Variants in EMP2 observed in about 807,000 individuals in gnomAD.
EMP2 encodes the protein epithelial membrane protein 2.
A neutral mutation model predicts 13.7 loss-of-function variants in EMP2; 19 were observed. That is an observed-to-expected ratio of 1.38 (90% CI 0.97 to 2.03). The LOEUF is 2.03. Among genes scored for constraint, EMP2 ranks in the 30% most tolerant of loss-of-function variants. The probability of loss-of-function intolerance (pLI) is 0.00; values close to 1 mark genes in which losing one functional copy is unlikely to be tolerated. For missense variants in EMP2, 253 were observed against 220.7 expected (o/e 1.15, Z -0.93); for synonymous variants, 97 against 84.7 (o/e 1.15, Z -0.80).
intron 1 of EMP2, among the ~76,000 whole-genome samples, chr16:10,576,249 T>C (rs910099258): frequency 1.1e-4 from 17 of 152,260 alleles, no homozygotes; most frequent in African/African-American, 3.1e-4. Flanking sequence ...AATTATCTTG[T>C]GTGCCACCAG....
intron 3 of EMP2, among the ~76,000 whole-genome samples, chr16:10,539,102 G>T (rs941671033): frequency 5.9e-5 from 9 of 152,094 alleles, no homozygotes. Context: ...TCTACATAAG[G>T]GGGTTTGGAG....
rs150422852 is a variant in EMP2 at position 10,579,629 on chromosome 16, C to T, written c.-61+920G>A. ...TAGGTGTCTCATAAAAGTGGAATCA[C>T]ACTGTATTTGAACTGGAGGCTTCTT... is the stretch of plus-strand genomic sequence containing the variant. On this transcript the variant is annotated intron_variant, in intron 1 of 4. Coordinates refer to ENST00000359543, the MANE Select transcript of EMP2 (RefSeq NM_001424.6). Among the ~76,000 whole-genome samples, 19 of 152,088 alleles carry T rather than the reference C, an allele frequency of 1.2e-4. No individual in the cohort carries two copies. In the East Asian group the frequency reaches 3.7e-3, roughly 29 times the overall value.
At chr16:10,565,688 A>T (rs1444285864) in intron 1 of EMP2, among the ~76,000 whole-genome samples, 1 of 152,118 alleles carries the variant, frequency 6.6e-6, no homozygotes, top group Non-Finnish European at 1.5e-5. Context: ...TTAACCAGGG[A>T]CTTGAGGTGG....
chr16:10,574,829 C>T (rs931888727), intron 1 of EMP2, among the ~76,000 whole-genome samples: 1 of 152,102 alleles, frequency 6.6e-6, no homozygotes, highest in African/African-American at 2.4e-5. Context: ...GGATTATAGG[C>T]GTGAGCCACC....
At chr16:10,564,670 A>C (rs1232365300) in intron 1 of EMP2, among the ~76,000 whole-genome samples, 1 of 151,954 alleles carries the variant, frequency 6.6e-6, no homozygotes, top group Admixed American at 6.6e-5. Context: ...CTTCCCCAGA[A>C]AGCCAGTGTT....
chr16:10,539,588 G>A (rs1433256135), intron 3 of EMP2, among the ~76,000 whole-genome samples: 3 of 152,136 alleles, frequency 2.0e-5, no homozygotes, highest in Non-Finnish European at 1.5e-5. Context: ...GGAACTTTCT[G>A]GAGAGTTGGC....
intron 1 of EMP2, among the ~76,000 whole-genome samples, chr16:10,552,680 A>G (rs1019017494): frequency 6.6e-6 from 1 of 152,228 alleles, no homozygotes; most frequent in Non-Finnish European, 1.5e-5. Context: ...TAGCAGTGAT[A>G]TAAAGTATTT....
chr16:10,563,447 C>A (rs768902271), intron 1 of EMP2, among the ~76,000 whole-genome samples: 10 of 152,240 alleles, frequency 6.6e-5, no homozygotes, highest in Non-Finnish European at 1.3e-4. Flanking sequence ...CTGCCTTGGT[C>A]TCCCAAAGTG....
At chr16:10,533,240 G>A in intron 4 of EMP2, 148 bp from the exon 5 acceptor site, 1 of 797,284 alleles carries the variant, frequency 1.3e-6, no homozygotes, top group Middle Eastern at 4.0e-4. Flanking sequence ...ATTTTGCCAT[G>A]TCACCCAGGC....
intron 1 of EMP2, among the ~76,000 whole-genome samples, chr16:10,572,090 G>T (rs1317186716): frequency 6.6e-6 from 1 of 152,184 alleles, no homozygotes; most frequent in Non-Finnish European, 1.5e-5. Flanking sequence ...AGTCAATGAG[G>T]GAGCAGGAGA....
chr16:10,577,330 CCACCAGCCT>C (rs1415015654), intron 1 of EMP2, among the ~76,000 whole-genome samples: 1 of 152,186 alleles, frequency 6.6e-6, no homozygotes, highest in Non-Finnish European at 1.5e-5. Flanking sequence ...CTCATCACCA[CCACCAGCCT>C]CTGCTCAGGT....
At chr16:10,566,782 C>A (rs898451846) in intron 1 of EMP2, among the ~76,000 whole-genome samples, 1 of 152,198 alleles carries the variant, frequency 6.6e-6, no homozygotes, top group Admixed American at 6.5e-5. Flanking sequence ...ACAGAGCATG[C>A]GAGGCTCTTT....
intron 1 of EMP2, among the ~76,000 whole-genome samples, chr16:10,557,182 C>T (rs978513302): frequency 6.6e-5 from 10 of 151,980 alleles, no homozygotes; most frequent in South Asian, 2.1e-4. Flanking sequence ...CATGGCAAAA[C>T]GCTGTCTCTA....
At chr16:10,554,579 G>C (rs952891835) in intron 1 of EMP2, among the ~76,000 whole-genome samples, 1 of 152,104 alleles carries the variant, frequency 6.6e-6, no homozygotes, top group Non-Finnish European at 1.5e-5. Context: ...ATGAAGACTG[G>C]TCCACCAAGC....
At chr16:10,568,978 G>C (rs1020823673) in intron 1 of EMP2, among the ~76,000 whole-genome samples, 28 of 151,938 alleles carry the variant, frequency 1.8e-4, no homozygotes, top group South Asian at 4.2e-4. Flanking sequence ...AGTAGAGATG[G>C]GGTTTCGCCA....
At chr16:10,572,670 G>A (rs1453519441) in intron 1 of EMP2, among the ~76,000 whole-genome samples, 1 of 152,154 alleles carries the variant, frequency 6.6e-6, no homozygotes, top group East Asian at 1.9e-4. Flanking sequence ...CAGAATAAAT[G>A]TCACAGCCTG....
intron 2 of EMP2, chr16:10,545,155 G>A (rs60207277): frequency 0.42 from 64,164 of 151,950 alleles, 13,986 homozygotes; most frequent in East Asian, 0.65. Context: ...GATTCACTAA[G>A]GCTGATGGTT....
intron 2 of EMP2, 73 bp from the exon 3 acceptor site, chr16:10,543,733 G>C (rs984591710): frequency 3.7e-5 from 53 of 1,425,536 alleles, no homozygotes; most frequent in Non-Finnish European, 4.8e-5. Flanking sequence ...AATTAGGCAC[G>C]AGGCATGGTG....
chr16:10,575,512 C>T (rs1034043899), intron 1 of EMP2, among the ~76,000 whole-genome samples: 1 of 151,750 alleles, frequency 6.6e-6, no homozygotes, highest in African/African-American at 2.4e-5. Context: ...CCTCGGCCTC[C>T]CAAAGTTCTG....
Sources: gnomAD v4.1 joint callset for allele counts (sites outside exome capture counted in the v4.1 genomes callset) on GRCh38, gnomAD v4.1.1 for gene constraint, MANE v1.5 for transcripts, NCBI Gene and HGNC (gene_info 2026-07-23, HGNC 2026-07-21) for gene names.